The following JMJD1C variants were observed in gnomAD, a reference collection of about 807,000 sequenced individuals.
The protein encoded by JMJD1C is jumonji domain containing 1C.
A neutral mutation model predicts 245.3 loss-of-function variants in JMJD1C; 31 were observed. The observed-to-expected ratio is 0.13, with a 90% CI of 0.09 to 0.17. JMJD1C has a LOEUF of 0.17. Among genes scored for constraint, JMJD1C ranks in the 10% least tolerant of loss-of-function variants. The pLI is 1.00. For missense variants in JMJD1C, 2,691 were observed against 3,000.2 expected (o/e 0.90, Z 2.41); for synonymous variants, 1,057 against 1,017.4 (o/e 1.04, Z -0.74).
chr10:63,335,256 GAACAATGA>G, intron 2 of JMJD1C, among the ~76,000 whole-genome samples: 2 of 152,142 alleles, frequency 1.3e-5, no homozygotes, highest in Middle Eastern at 3.4e-3. Flanking sequence ...GCTTCAACCT[GAACAATGA>G]AAGCTGTAAG....
At chr10:63,204,840 T>A (rs1286286913) in intron 10 of JMJD1C, 27 of 985,310 alleles carry the variant, frequency 2.7e-5, no homozygotes, top group Non-Finnish European at 3.3e-5. Context: ...TCTCCTTCAC[T>A]TTGCCTCTGG....
rs71025143 is a variant in JMJD1C at position 63,281,309 on chromosome 10, G to GT, written c.334-16546dup. Among the ~76,000 whole-genome samples the GT allele has an allele frequency of 5.0e-3, 718 of 144,744 alleles. 4 individuals carry two copies. Among genetic ancestry groups the GT allele is most frequent in the African/African-American group, 0.01 (371 of 37,098 alleles). 95.0% of individuals were successfully genotyped at this position (144,744 alleles called of 152,430 possible). ...GCCACCATGCCCGGCTAATTTTTCT[G>GT]TTTTTTTTTTTTGTTTGTTTTTTGT... On this transcript the variant is annotated intron_variant, in intron 2 of 25. Coordinates refer to ENST00000399262, the MANE Select transcript of JMJD1C (RefSeq NM_032776.3).
At chr10:63,382,918 C>T in intron 1 of JMJD1C, 3 of 453,946 alleles carry the variant, frequency 6.6e-6, no homozygotes, top group Non-Finnish European at 1.3e-5. Flanking sequence ...TGAATTTCTA[C>T]TGCAATTACT....
At chr10:63,204,647 A>C (rs958569626) in intron 10 of JMJD1C, 1 of 985,296 alleles carries the variant, frequency 1.0e-6, no homozygotes, top group Non-Finnish European at 1.2e-6. Context: ...ACATAAGAAA[A>C]AGCAACACTG....
chr10:63,344,162 C>T (rs1040959132), intron 2 of JMJD1C, among the ~76,000 whole-genome samples: 4 of 152,196 alleles, frequency 2.6e-5, no homozygotes, highest in African/African-American at 7.2e-5. Context: ...ACTGACATGC[C>T]TACAGCAACT....
chr10:63,362,536 G>A (rs1329805217), intron 2 of JMJD1C, among the ~76,000 whole-genome samples: 4 of 151,928 alleles, frequency 2.6e-5, no homozygotes, highest in African/African-American at 9.7e-5. Flanking sequence ...CTGGGGTGCA[G>A]TGGCACAATG....
Position 63,206,681 on chromosome 10 carries a change from T to C in JMJD1C, c.4988A>G (p.Glu1663Gly). Residue 1663 changes from glutamate (E) to glycine (G), a missense_variant, in exon 10 of 26, where the codon GAA becomes GGA. By Grantham distance (98) the Glu-to-Gly change is moderately conservative (BLOSUM62 -2). This residue lies in a region of JMJD1C where 144 missense variants were observed against 143.3 expected (regional missense o/e 1.00). Coordinates refer to ENST00000399262, the MANE Select transcript of JMJD1C (RefSeq NM_032776.3). ...KQNDLQKRKG[E>G]IEEDLKPNGV... ...ATTGGGTTTCAAATCTTCTTCTATT[T>C]CACCTTTTCTCTTTTGCAAATCATT... The C allele has an allele frequency of 6.2e-7, 1 of 1,613,730 alleles. No homozygotes were observed. The highest frequency in any genetic ancestry group is 8.5e-7 in the Non-Finnish European group (1 of 1,179,886).
At chr10:63,169,811 T>C (rs1441198325) in intron 24 of JMJD1C, among the ~76,000 whole-genome samples, 3 of 152,226 alleles carry the variant, frequency 2.0e-5, no homozygotes, top group Admixed American at 6.5e-5. Flanking sequence ...AATGTGTCTG[T>C]AGAACAGATG....
intron 1 of JMJD1C, among the ~76,000 whole-genome samples, chr10:63,463,228 A>C (rs912774954): frequency 5.3e-5 from 8 of 152,110 alleles, no homozygotes; most frequent in African/African-American, 1.9e-4. Context: ...GCAGTGGCAT[A>C]ATCTTGGCTC....
intron 3 of JMJD1C, among the ~76,000 whole-genome samples, chr10:63,236,677 T>C (rs1280630650): frequency 6.6e-6 from 1 of 152,112 alleles, no homozygotes; most frequent in Non-Finnish European, 1.5e-5. Flanking sequence ...TTTTCCAAAG[T>C]AGTAACTGAA....
chr10:63,434,866 G>C (rs530037431), intron 1 of JMJD1C, among the ~76,000 whole-genome samples: 3 of 152,308 alleles, frequency 2.0e-5, no homozygotes, highest in Non-Finnish European at 4.4e-5. Flanking sequence ...CAGTTGGAGT[G>C]ATTAACTTCG....
chr10:63,370,429 ATATTAC>A (rs1946217078), intron 2 of JMJD1C, among the ~76,000 whole-genome samples: 1 of 152,234 alleles, frequency 6.6e-6, no homozygotes, highest in African/African-American at 2.4e-5. Context: ...TGTGTGGTAG[ATATTAC>A]TATTATGAAC....
rs546573129 is a variant in JMJD1C, at chr10:63,446,918, C to T, written c.168+18577G>A. ...AAGCCAAAGAAGCCAAAGATAGAGA[C>T]TATTTTCCTTACAAACTAGAGATTC... On this transcript the variant is annotated intron_variant, in intron 1 of 25. Coordinates refer to ENST00000399262, the MANE Select transcript of JMJD1C (RefSeq NM_032776.3). 4.6e-5 allele frequency among the ~76,000 whole-genome samples: 7 copies of T among 152,192 alleles called. No homozygotes were observed. In the South Asian group the frequency reaches 1.5e-3, roughly 32 times the overall value.
intron 1 of JMJD1C, among the ~76,000 whole-genome samples, chr10:63,441,450 G>T (rs940122451): frequency 3.3e-5 from 5 of 152,078 alleles, no homozygotes; most frequent in African/African-American, 4.8e-5. Flanking sequence ...GTTTCCATGG[G>T]GACGAAGTAA....
chr10:63,208,798 T>C lies in JMJD1C; in HGVS notation c.2871A>G (p.Glu957=). Residue 957 remains glutamate, a synonymous_variant, in exon 10 of 26, where the codon GAA becomes GAG. Coordinates refer to ENST00000399262, the MANE Select transcript of JMJD1C (RefSeq NM_032776.3). ...TKTLVDHHKE[E]LERKAFMEPL... ...GTTCCATAAAAGCTTTTCTTTCTAA[T>C]TCTCTGTAAAGAAAATACACAAATA... 1 of 1,567,810 alleles carries C rather than the reference T, an allele frequency of 6.4e-7. No individual in the cohort carries two copies. The highest frequency in any genetic ancestry group is 8.6e-7 in the Non-Finnish European group (1 of 1,162,952).
At chr10:63,225,714 G>GGATA (rs1248344630) in intron 3 of JMJD1C, among the ~76,000 whole-genome samples, 1 of 151,828 alleles carries the variant, frequency 6.6e-6, no homozygotes, top group Non-Finnish European at 1.5e-5. Flanking sequence ...GGGAGGTAGA[G>GGATA]GATGCAGTGA....
intron 1 of JMJD1C, among the ~76,000 whole-genome samples, chr10:63,454,257 A>ATT (rs112838462): frequency 0.34 from 49,697 of 145,948 alleles, 8,982 homozygotes; most frequent in African/African-American, 0.45. Context: ...GGAGAAATTG[A>ATT]TTTTTTTTTT....
chr10:63,360,278 T>C (rs1390909592), intron 2 of JMJD1C, among the ~76,000 whole-genome samples: 1 of 152,144 alleles, frequency 6.6e-6, no homozygotes, highest in Non-Finnish European at 1.5e-5. Flanking sequence ...GAAGCATCAC[T>C]TGAGCCAAGG....
chr10:63,243,843 A>G (rs746208830), intron 3 of JMJD1C, among the ~76,000 whole-genome samples: 1 of 152,178 alleles, frequency 6.6e-6, no homozygotes, highest in Non-Finnish European at 1.5e-5. Flanking sequence ...AGATAATAAG[A>G]GAATTGGACT....
Sources: allele counts gnomAD v4.1 joint callset (sites outside exome capture counted in the v4.1 genomes callset), GRCh38; gene constraint gnomAD v4.1.1; regional missense constraint gnomAD v4.1.1; transcripts MANE v1.5; gene names NCBI Gene and HGNC (gene_info 2026-07-23, HGNC 2026-07-21).